Variants in PFKP observed in about 807,000 individuals in gnomAD.
PFKP encodes the protein phosphofructokinase, platelet.
In PFKP, 101 loss-of-function variants were observed where a neutral mutation model predicts 94.3. The ratio of observed to expected loss-of-function variants is 1.07; its 90% CI spans 0.91 to 1.26. The LOEUF (loss-of-function observed/expected upper bound fraction) is 1.26. Among genes scored for constraint, PFKP ranks in the 50% most tolerant of loss-of-function variants. The pLI is 0.00. For synonymous variants in PFKP, 573 were observed against 432.6 expected (o/e 1.32, Z -4.03); for missense variants, 1,145 against 1,103.3 (o/e 1.04, Z -0.53).
chr10:3,079,530 A>G lies in PFKP; in HGVS notation c.113-2858A>G, dbSNP rs899348129. ...ATTACAGGCGTGAGCCACCGTGCCC[A>G]GCCTCATGTCCAGCTTTTAAGAATT... On this transcript the variant is annotated intron_variant, in intron 1 of 21. Transcript: ENST00000381125. Among the ~76,000 whole-genome samples the G allele has an allele frequency of 4.0e-5, 6 of 151,526 alleles. 1 individual carries two copies. Among genetic ancestry groups the G allele is most frequent in the Admixed American group, 3.3e-4 (5 of 15,194 alleles).
chr10:3,119,282 C>T (rs10903970), intron 15 of PFKP, among the ~76,000 whole-genome samples: 31,995 of 152,014 alleles, frequency 0.21, 3,546 homozygotes, highest in Admixed American at 0.28. Context: ...AAGATTAGTC[C>T]CATGGTAACC....
intron 1 of PFKP, among the ~76,000 whole-genome samples, chr10:3,071,322 T>G (rs1322179132): frequency 2.0e-5 from 3 of 151,864 alleles, no homozygotes; most frequent in Non-Finnish European, 2.9e-5. Flanking sequence ...CTTTTCTATA[T>G]TCCCGACTCC....
chr10:3,126,051 A>C (rs2131680002), intron 16 of PFKP, among the ~76,000 whole-genome samples: 1 of 152,246 alleles, frequency 6.6e-6, no homozygotes, highest in South Asian at 2.1e-4. Context: ...CCTTTACCTT[A>C]CATCTTGACG....
intron 8 of PFKP, chr10:3,108,050 G>A (rs1341262205): frequency 3.1e-6 from 4 of 1,270,378 alleles, no homozygotes; most frequent in East Asian, 5.6e-5. Flanking sequence ...AACAGTGATG[G>A]ACACCTGGGA....
At chr10:3,100,836 T>G in intron 3 of PFKP, 1 of 678,008 alleles carries the variant, frequency 1.5e-6, no homozygotes, top group Admixed American at 2.6e-5. Flanking sequence ...ATATAGCTCT[T>G]TAAAAGGGGC....
chr10:3,128,208 G>GA (rs1838166654), intron 16 of PFKP, among the ~76,000 whole-genome samples: 1 of 152,218 alleles, frequency 6.6e-6, no homozygotes, highest in South Asian at 2.1e-4. Context: ...GTGCACTGGT[G>GA]TAAGCCCAGC....
chr10:3,084,051 C>A (rs1011262405), intron 2 of PFKP, among the ~76,000 whole-genome samples: 2 of 152,172 alleles, frequency 1.3e-5, no homozygotes, highest in Non-Finnish European at 2.9e-5. Context: ...TTAGCTTTCT[C>A]CCCGTTTTTT....
At chr10:3,092,127 G>A (rs10903960) in intron 2 of PFKP, among the ~76,000 whole-genome samples, 8,014 of 151,756 alleles carry the variant, frequency 0.053, 528 homozygotes, top group African/African-American at 0.16. Flanking sequence ...TCAGGTGCCC[G>A]AGGGTCTCCA....
chr10:3,113,273 T>C, intron 12 of PFKP, 85 bp downstream of exon 12: 1 of 1,578,894 alleles, frequency 6.3e-7, no homozygotes, highest in Non-Finnish European at 8.6e-7. Flanking sequence ...AGGCCACCTG[T>C]TTTCAGGCCT....
intron 1 of PFKP, among the ~76,000 whole-genome samples, chr10:3,079,492 C>G (rs1832859162): frequency 6.6e-6 from 1 of 152,080 alleles, no homozygotes; most frequent in Non-Finnish European, 1.5e-5. Context: ...CCTAGGCCTC[C>G]CAAAGCACTG....
chr10:3,076,595 C>T (rs984098209), intron 1 of PFKP, among the ~76,000 whole-genome samples: 1 of 152,112 alleles, frequency 6.6e-6, no homozygotes, highest in African/African-American at 2.4e-5. Context: ...TTACGGCCAT[C>T]CATCCATGGG....
At chr10:3,072,961 C>G (rs1407958255) in intron 1 of PFKP, among the ~76,000 whole-genome samples, 1 of 151,950 alleles carries the variant, frequency 6.6e-6, no homozygotes, top group Non-Finnish European at 1.5e-5. Context: ...TTTCCACAAG[C>G]CCTTTCTGGT....
chr10:3,087,969 C>A (rs891404207), intron 2 of PFKP, among the ~76,000 whole-genome samples: 1 of 141,634 alleles, frequency 7.1e-6, no homozygotes, highest in African/African-American at 2.7e-5. Context: ...ATATAAAAAT[C>A]CTGTATCTTT....
At chr10:3,083,863 G>A (rs191861294) in intron 2 of PFKP, among the ~76,000 whole-genome samples, 83 of 152,194 alleles carry the variant, frequency 5.5e-4, no homozygotes, top group Non-Finnish European at 6.9e-4. Flanking sequence ...GGCTGGTCTC[G>A]AACTCCTGAC....
intron 13 of PFKP, among the ~76,000 whole-genome samples, 186 bp from the exon 14 acceptor site, chr10:3,116,590 T>G (rs1481545402): frequency 6.6e-6 from 1 of 152,198 alleles, no homozygotes; most frequent in Non-Finnish European, 1.5e-5. Context: ...CTTCATGAGT[T>G]GTTAACCTTG....
intron 2 of PFKP, among the ~76,000 whole-genome samples, chr10:3,086,065 T>C (rs991979417): frequency 2.0e-5 from 3 of 152,150 alleles, no homozygotes; most frequent in Non-Finnish European, 4.4e-5. Context: ...CTGCTCTTAG[T>C]ACAGAAATGT....
intron 2 of PFKP, among the ~76,000 whole-genome samples, chr10:3,098,702 T>A (rs539257049): frequency 2.7e-3 from 392 of 142,864 alleles, no homozygotes; most frequent in South Asian, 0.011. Flanking sequence ...GTAATTGTCC[T>A]TGGGCTTCTT....
intron 4 of PFKP, among the ~76,000 whole-genome samples, chr10:3,102,339 C>G (rs1835105903): frequency 6.6e-6 from 1 of 151,428 alleles, no homozygotes; most frequent in Non-Finnish European, 1.5e-5. Flanking sequence ...CATCCAGTAC[C>G]AACTTTGGCA....
chr10:3,073,170 C>T (rs1474304864), intron 1 of PFKP, among the ~76,000 whole-genome samples: 1 of 151,806 alleles, frequency 6.6e-6, no homozygotes, highest in Non-Finnish European at 1.5e-5. Flanking sequence ...AGGTCCTAGC[C>T]CTGGTCCTGC....
Sources: allele counts gnomAD v4.1 joint callset (sites outside exome capture counted in the v4.1 genomes callset), GRCh38; gene constraint gnomAD v4.1.1; transcripts MANE v1.5; gene names NCBI Gene and HGNC (gene_info 2026-07-23, HGNC 2026-07-21).